SLC37A1: variants seen among roughly 807,000 people sequenced by gnomAD.
The protein encoded by SLC37A1 is glucose-6-phosphate exchanger SLC37A1.
Under a neutral mutation model 75.3 loss-of-function variants are expected in SLC37A1, and 49 were observed. The observed-to-expected ratio is 0.65, with a 90% confidence interval of 0.52 to 0.83. SLC37A1 has a LOEUF of 0.83. Among genes scored for constraint, SLC37A1 ranks in the 40% least tolerant of loss-of-function variants. The pLI, the probability that SLC37A1 is intolerant of heterozygous loss-of-function variation, is 0.00. For missense variants in SLC37A1, 566 were observed against 695.0 expected (o/e 0.81, Z 2.09); for synonymous variants, 268 against 292.1 (o/e 0.92, Z 0.84).
At chr21:42,553,980 A>T in intron 9 of SLC37A1, 82 bp from the exon 10 acceptor site, 1 of 1,161,956 alleles carries the variant, frequency 8.6e-7, no homozygotes, top group Non-Finnish European at 1.2e-6. Flanking sequence ...GACGATAGTA[A>T]GTATCCTTGC....
intron 9 of SLC37A1, among the ~76,000 whole-genome samples, chr21:42,550,168 A>G (rs951779052): frequency 2.8e-4 from 43 of 152,272 alleles, no homozygotes; most frequent in African/African-American, 9.6e-4. Context: ...GAGAAAATCA[A>G]TGAAACCAAA....
chr21:42,548,660 TC>T lies in SLC37A1; in HGVS notation c.768+1521del. Among the ~76,000 whole-genome samples, 1 of 152,330 alleles carries T rather than the reference TC, an allele frequency of 6.6e-6. No homozygotes were observed. Among genetic ancestry groups the T allele is most frequent in the Non-Finnish European group, 1.5e-5 (1 of 68,030 alleles). On this transcript the variant is annotated intron_variant, in intron 9 of 19. Transcript: ENST00000352133. This position sits in a 1 kb window ranked among gnomAD's most constrained non-coding sequence, Gnocchi z 5.6. ...ACTCTTGCTCCCCAGAATCTCTTCT[TC>T]ACACCGCACTTGCAGAGACTGTATT... is the stretch of plus-strand genomic sequence containing the variant.
chr21:42,510,522 C>G (rs530070803), upstream of SLC37A1, among the ~76,000 whole-genome samples: 250 of 49,378 alleles, frequency 5.1e-3, 2 homozygotes, highest in African/African-American at 0.019. Context: ...AGTAGTAAGT[C>G]CTTATCAATA....
In SLC37A1 at chr21:42,548,872, G is replaced by T. The variant is rs995090780; in HGVS notation, c.768+1732G>T. 6.6e-6 allele frequency among the ~76,000 whole-genome samples: 1 copy of T among 152,162 alleles called. No individual in the cohort carries two copies. Among genetic ancestry groups the T allele is most frequent in the African/African-American group, 2.4e-5 (1 of 41,440 alleles). Reference sequence around the variant, plus strand: ...GGGCAGCACCTGGCCTCGTGCGGGAGGGGGGCCAGAGTCCTTTTTCTGTCT... The same window carrying T: ...GGGCAGCACCTGGCCTCGTGCGGGATGGGGGCCAGAGTCCTTTTTCTGTCT... On this transcript the variant is annotated intron_variant, in intron 9 of 19. Coordinates refer to ENST00000352133, the MANE Select transcript of SLC37A1 (RefSeq NM_001320537.2). This position sits in a 1 kb window ranked among gnomAD's most constrained non-coding sequence, Gnocchi z 5.6.
intron 3 of SLC37A1, among the ~76,000 whole-genome samples, chr21:42,527,871 T>A (rs560931106): frequency 6.6e-6 from 1 of 152,306 alleles, no homozygotes; most frequent in East Asian, 1.9e-4. Context: ...GATCAGAACA[T>A]CACACCACAT....
At chr21:42,500,708 G>A (rs1453998476) in intron 1 of SLC37A1, among the ~76,000 whole-genome samples, 1 of 152,176 alleles carries the variant, frequency 6.6e-6, no homozygotes, top group African/African-American at 2.4e-5. Context: ...GTTAGTCTGT[G>A]ACGAACAGAT....
At chr21:42,530,641 CACA>C (rs2054932283) in intron 3 of SLC37A1, among the ~76,000 whole-genome samples, 2 of 31,894 alleles carry the variant, frequency 6.3e-5, no homozygotes, top group South Asian at 8.0e-4. Flanking sequence ...CACACACACA[CACA>C]CACACACACA....
chr21:42,567,316 G>A (rs886215981), intron 16 of SLC37A1, among the ~76,000 whole-genome samples: 6 of 152,206 alleles, frequency 3.9e-5, no homozygotes, highest in Non-Finnish European at 7.3e-5. Flanking sequence ...TGACTCAGGC[G>A]CCTTTTCAAT....
intron 9 of SLC37A1, among the ~76,000 whole-genome samples, chr21:42,550,281 G>A (rs1050218889): frequency 6.6e-6 from 1 of 152,212 alleles, no homozygotes; most frequent in Non-Finnish European, 1.5e-5. Context: ...AGGAAAGGTG[G>A]CATTTCTGCC....
At position 42,548,274 on chromosome 21, in the gene SLC37A1, A is replaced by G. The variant is rs1465872136; in HGVS notation, c.768+1134A>G. 6.6e-6 allele frequency among the ~76,000 whole-genome samples: 1 copy of G among 152,150 alleles called. No individual in the cohort carries two copies. ...GAGTGACCCACCCCTGAGCTCCGCA[A>G]TCTGAGGTCTCACCACCACTCAACC... On this transcript the variant is annotated intron_variant, in intron 9 of 19. Coordinates refer to ENST00000352133, the MANE Select transcript of SLC37A1 (RefSeq NM_001320537.2). This position sits in a 1 kb window ranked among gnomAD's most constrained non-coding sequence, Gnocchi z 5.6.
At chr21:42,571,806 C>CTCA (rs3051526) in intron 17 of SLC37A1, among the ~76,000 whole-genome samples, 113,999 of 151,644 alleles carry the variant, frequency 0.75, 43,946 homozygotes, top group African/African-American at 0.85. Flanking sequence ...AAGTAAACAT[C>CTCA]TCTTTTCCTC....
chr21:42,564,632 C>A, intron 13 of SLC37A1, 76 bp from the exon 14 acceptor site: 2 of 1,178,790 alleles, frequency 1.7e-6, no homozygotes, highest in South Asian at 1.2e-5. Flanking sequence ...GTTCTCCGAG[C>A]TCCTGCAGTT....
At chr21:42,533,048 C>T (rs530859262) in intron 3 of SLC37A1, among the ~76,000 whole-genome samples, 5 of 152,296 alleles carry the variant, frequency 3.3e-5, no homozygotes, top group African/African-American at 7.2e-5. Flanking sequence ...GATTCAAAAG[C>T]CCTGGCCTTT....
chr21:42,568,036 C>T (rs59514884), intron 16 of SLC37A1, among the ~76,000 whole-genome samples: 3,886 of 152,366 alleles, frequency 0.026, 158 homozygotes, highest in African/African-American at 0.088. Context: ...GGCAGGGGCG[C>T]GCGTTGCGCA....
At chr21:42,536,814 A>C (rs2055150308) in intron 5 of SLC37A1, among the ~76,000 whole-genome samples, 1 of 152,206 alleles carries the variant, frequency 6.6e-6, no homozygotes, top group Non-Finnish European at 1.5e-5. Flanking sequence ...CTGCGGATTC[A>C]TTCCTTCGTC....
upstream of SLC37A1, among the ~76,000 whole-genome samples, chr21:42,512,568 C>G (rs1369399858): frequency 6.6e-6 from 1 of 152,078 alleles, no homozygotes; most frequent in East Asian, 1.9e-4. Flanking sequence ...GAATGGAGAG[C>G]TAGAAAAGAG....
chr21:42,544,078 T>C (rs2055350013), intron 8 of SLC37A1, among the ~76,000 whole-genome samples: 1 of 152,262 alleles, frequency 6.6e-6, no homozygotes, highest in African/African-American at 2.4e-5. Context: ...TCAGATTCAA[T>C]AGCAAACTCT....
chr21:42,575,852 T>C (rs2056296891), intron 18 of SLC37A1: 1 of 985,244 alleles, frequency 1.0e-6, no homozygotes, highest in Admixed American at 6.1e-5. Flanking sequence ...AAATGGCTGT[T>C]CTTTGGATCA....
At chr21:42,559,976 C>T (rs1341047939) in intron 11 of SLC37A1, among the ~76,000 whole-genome samples, 1 of 151,852 alleles carries the variant, frequency 6.6e-6, no homozygotes, top group Non-Finnish European at 1.5e-5. Context: ...GGGGAGGATG[C>T]AGGGACCAAG....
Sources: allele counts gnomAD v4.1 joint callset (sites outside exome capture counted in the v4.1 genomes callset), GRCh38; gene constraint gnomAD v4.1.1; non-coding constraint Gnocchi (gnomAD v3.1); transcripts MANE v1.5; gene names NCBI Gene and HGNC (gene_info 2026-07-23, HGNC 2026-07-21).